TAF4: variants seen among roughly 807,000 people sequenced by gnomAD.
TAF4 encodes TATA-box binding protein associated factor 4.
Under a neutral mutation model 90.3 loss-of-function variants are expected in TAF4, and 9 were observed. The observed-to-expected ratio is 0.10, with a 90% CI of 0.06 to 0.17. The LOEUF is 0.17. Ranked by LOEUF, TAF4 falls within the 10% of genes least tolerant of loss-of-function variation. TAF4 has a pLI of 1.00. For synonymous variants in TAF4, 818 were observed against 638.9 expected (o/e 1.28, Z -4.23); for missense variants, 1,351 against 1,370.7 (o/e 0.99, Z 0.23).
intron 1 of TAF4, among the ~76,000 whole-genome samples, chr20:62,039,236 C>T (rs1160703147): frequency 2.0e-5 from 3 of 152,178 alleles, no homozygotes; most frequent in Non-Finnish European, 4.4e-5. Flanking sequence ...AAGTGCTGAG[C>T]TGCAGAAGGG....
At chr20:61,985,649 G>C (rs1330026083) in intron 14 of TAF4, among the ~76,000 whole-genome samples, 1 of 151,458 alleles carries the variant, frequency 6.6e-6, no homozygotes, top group East Asian at 1.9e-4. Flanking sequence ...TCTACTGTGG[G>C]GGATGAGAAC....
chr20:62,065,266 G>A lies in TAF4; in HGVS notation c.545C>T (p.Pro182Leu). ...PGPGPGPGPG[P>L]GPGPGKPAGP... is the part of the protein sequence containing the mutation. ...GGCGGGCTTGCCAGGGCCAGGGCCG[G>A]GGCCGGGGCCGGGGCCGGGCCCGGG... The change falls in exon 1 of 15, where the codon CCC (proline) becomes CTC (leucine). Residue 182 changes from proline to leucine, a missense_variant. Coordinates refer to ENST00000252996, the MANE Select transcript of TAF4 (RefSeq NM_003185.4). 1.1e-6 allele frequency: 1 copy of A among 938,106 alleles called. No individual in the cohort carries two copies. Among genetic ancestry groups the A allele is most frequent in the South Asian group, 4.7e-5 (1 of 21,088 alleles). 58.1% of individuals were successfully genotyped at this position (938,106 alleles called of 1,614,324 possible).
intron 1 of TAF4, among the ~76,000 whole-genome samples, chr20:62,017,410 G>A (rs766280449): frequency 1.2e-4 from 18 of 151,992 alleles, no homozygotes; most frequent in South Asian, 2.1e-4. Context: ...AGGCCAAGGC[G>A]GGTAGATCAC....
At chr20:62,011,146 G>A (rs1237115352) in intron 3 of TAF4, among the ~76,000 whole-genome samples, 1 of 152,164 alleles carries the variant, frequency 6.6e-6, no homozygotes, top group Non-Finnish European at 1.5e-5. Context: ...GCAGCAGGGT[G>A]GAGGGACTGT....
chr20:62,064,832 C>A lies in TAF4; in HGVS notation c.979G>T (p.Gly327Cys). Residue 327 changes from glycine to cysteine, a missense_variant, in exon 1 of 15, where the codon GGC becomes TGC. Transcript: ENST00000252996. ...GCCGCCGCGCCGGGCCCGGGTTGGC[C>A]GCTGACCCCCGCGGGGCCCCCGGCG... ...PAAGGPAGVS[G>C]QPGPGAAAAA... 3.1e-6 allele frequency: 3 copies of A among 972,128 alleles called. No homozygotes were observed. The highest frequency in any genetic ancestry group is 4.7e-5 in the South Asian group (1 of 21,410). The allele number at this position is 972,128 out of a possible 1,614,324, so 60.2% of individuals were successfully genotyped here.
intron 14 of TAF4, among the ~76,000 whole-genome samples, chr20:61,977,085 C>T (rs934413997): frequency 8.2e-5 from 12 of 146,302 alleles, no homozygotes; most frequent in Admixed American, 1.4e-4. Context: ...GCCACACACA[C>T]GACACCGCCC....
intron 9 of TAF4, 85 bp from the exon 10 acceptor site, chr20:62,000,806 C>T (rs1260974357): frequency 4.0e-6 from 6 of 1,487,122 alleles, no homozygotes; most frequent in Admixed American, 1.7e-5. Flanking sequence ...GGAAACCCCA[C>T]GTGGAAGGCA....
Position 62,000,549 on chromosome 20 carries a change from T to C in TAF4, c.2656+3A>G. On this transcript the variant is annotated splice_donor_region_variant and intron_variant, in intron 10 of 14. Transcript: ENST00000252996. ...AGAACTCAGTCATTAAACACCAACG[T>C]ACCTATTTCTAATATTCTTCTCTGC... 1 of 1,611,722 alleles carries C rather than the reference T, an allele frequency of 6.2e-7. No homozygotes were observed. The highest frequency in any genetic ancestry group is 8.5e-7 in the Non-Finnish European group (1 of 1,178,072).
chr20:62,018,426 C>T (rs554827462), intron 1 of TAF4, among the ~76,000 whole-genome samples: 1 of 152,378 alleles, frequency 6.6e-6, no homozygotes, highest in South Asian at 2.1e-4. Context: ...AGAAGTGCAA[C>T]TCCGTCTCAA....
chr20:62,029,864 C>T (rs1007800068), intron 1 of TAF4, among the ~76,000 whole-genome samples: 2 of 152,162 alleles, frequency 1.3e-5, no homozygotes, highest in Admixed American at 6.5e-5. Flanking sequence ...CGAGATCGCG[C>T]CACTGCACTC....
intron 9 of TAF4, among the ~76,000 whole-genome samples, chr20:62,001,866 T>C (rs1292859669): frequency 6.6e-6 from 1 of 152,178 alleles, no homozygotes; most frequent in Admixed American, 6.5e-5. Context: ...CAGGAGTCCT[T>C]GTCATTTTAG....
At chr20:62,048,342 T>A (rs949910893) in intron 1 of TAF4, among the ~76,000 whole-genome samples, 2 of 152,112 alleles carry the variant, frequency 1.3e-5, no homozygotes, top group African/African-American at 4.8e-5. Context: ...TGTCAAGTGA[T>A]TTGCTCAGCT....
At chr20:61,999,430 G>A (rs1287080129) in intron 11 of TAF4, among the ~76,000 whole-genome samples, 2 of 152,246 alleles carry the variant, frequency 1.3e-5, no homozygotes, top group African/African-American at 4.8e-5. Context: ...TTTACAGCAA[G>A]GGCTAAGTGT....
intron 1 of TAF4, among the ~76,000 whole-genome samples, chr20:62,024,171 G>A (rs185397105): frequency 1.5e-3 from 232 of 152,288 alleles, no homozygotes; most frequent in Non-Finnish European, 2.7e-3. Flanking sequence ...GCCCACACGC[G>A]GATGGACAAA....
intron 1 of TAF4, among the ~76,000 whole-genome samples, chr20:62,018,124 T>C (rs1028130199): frequency 2.0e-5 from 3 of 152,226 alleles, no homozygotes; most frequent in Non-Finnish European, 4.4e-5. Context: ...TGAAAATATC[T>C]GTGAACCAAG....
At chr20:62,053,325 G>A (rs1277555469) in intron 1 of TAF4, among the ~76,000 whole-genome samples, 4 of 72,576 alleles carry the variant, frequency 5.5e-5, no homozygotes, top group East Asian at 3.6e-4. Context: ...CCATGAGGCC[G>A]CGGGAGCCGG....
chr20:62,024,448 C>T (rs190080393), intron 1 of TAF4, among the ~76,000 whole-genome samples: 2 of 152,324 alleles, frequency 1.3e-5, no homozygotes, highest in African/African-American at 2.4e-5. Context: ...TGTTAAACTT[C>T]GGCTTTTCAG....
intron 6 of TAF4, 127 bp downstream of exon 6, chr20:62,007,420 C>A (rs2055753144): frequency 3.6e-6 from 3 of 841,728 alleles, no homozygotes; most frequent in Non-Finnish European, 1.9e-6. Flanking sequence ...CGGCCCCACC[C>A]CCGTAGGCAG....
chr20:62,060,790 C>T (rs2056085067), intron 1 of TAF4, among the ~76,000 whole-genome samples: 1 of 152,228 alleles, frequency 6.6e-6, no homozygotes, highest in South Asian at 2.1e-4. Flanking sequence ...CAACCACCGC[C>T]CCAGGGTGAC....
Sources: gnomAD v4.1 joint callset for allele counts (sites outside exome capture counted in the v4.1 genomes callset) on GRCh38, gnomAD v4.1.1 for gene constraint, MANE v1.5 for transcripts, NCBI Gene and HGNC (gene_info 2026-07-23, HGNC 2026-07-21) for gene names.